MROH2B: variants seen among roughly 807,000 people sequenced by gnomAD.
MROH2B encodes the protein maestro heat like repeat family member 2B.
In MROH2B, 177 loss-of-function variants were observed where a neutral mutation model predicts 208.6. That is an observed-to-expected ratio of 0.85 (90% CI 0.75 to 0.96). The LOEUF (loss-of-function observed/expected upper bound fraction) is 0.96, where lower values mean the gene tolerates loss of function less well. Among genes scored for constraint, MROH2B ranks in the 40% least tolerant of loss-of-function variants. The pLI, the probability that MROH2B is intolerant of heterozygous loss-of-function variation, is 0.00. For missense variants in MROH2B, 2,002 were observed against 1,878.7 expected (o/e 1.07, Z -1.21); for synonymous variants, 728 against 659.0 (o/e 1.10, Z -1.60).
intron 2 of MROH2B, among the ~76,000 whole-genome samples, chr5:41,068,948 G>C (rs1743893256): frequency 6.6e-6 from 1 of 152,186 alleles, no homozygotes; most frequent in Non-Finnish European, 1.5e-5. Context: ...GGTCAGGGTT[G>C]AGAACCACTG....
chr5:41,022,875 G>A (rs1246398976), intron 24 of MROH2B, among the ~76,000 whole-genome samples: 1 of 152,138 alleles, frequency 6.6e-6, no homozygotes, highest in Non-Finnish European at 1.5e-5. Flanking sequence ...CAGCAACATT[G>A]GCTGTTCAGC....
chr5:41,012,599 G>C lies in MROH2B; in HGVS notation c.3119C>G (p.Ala1040Gly). Residue 1040 changes from alanine to glycine, a missense_variant, in exon 30 of 42, where the codon GCT becomes GGT. Transcript: ENST00000399564. ...TCAGTTCACCTGATCTTCCAGAGCAGCTCCCTGCTGCTTCAGGACAGTGAT... is the reference window on the plus strand; with the variant it reads ...TCAGTTCACCTGATCTTCCAGAGCACCTCCCTGCTGCTTCAGGACAGTGAT... Reference protein sequence around the residue: ...WMITVLKQQGAALEDQLLEIL... With the variant: ...WMITVLKQQGGALEDQLLEIL... 1 of 1,612,536 alleles carries C rather than the reference G, an allele frequency of 6.2e-7. No individual in the cohort carries two copies. The highest frequency in any genetic ancestry group is 8.5e-7 in the Non-Finnish European group (1 of 1,179,442).
chr5:41,038,517 C>G (rs1309835999), intron 21 of MROH2B, among the ~76,000 whole-genome samples: 1 of 152,102 alleles, frequency 6.6e-6, no homozygotes, highest in Non-Finnish European at 1.5e-5. Context: ...GTCCTTTGAG[C>G]CTGAAGGATG....
Position 40,998,020 on chromosome 5 carries a change from T to C in MROH2B, c.*32A>G, listed in dbSNP as rs1355803441. The C allele has an allele frequency of 6.7e-7, 1 of 1,488,224 alleles. No individual in the cohort carries two copies. Among genetic ancestry groups the C allele is most frequent in the African/African-American group, 1.4e-5 (1 of 72,458 alleles). 92.2% of individuals were successfully genotyped at this position (1,488,224 alleles called of 1,614,324 possible). A position where few individuals can be genotyped will look rare whatever the true frequency, so the allele number is the denominator to read the frequency against. ...ATAGGATGAAGACAGGAGTCAGATATAGGAAAAGCCAGCAGTTTATTTCTT... is the reference window on the plus strand; with the variant it reads ...ATAGGATGAAGACAGGAGTCAGATACAGGAAAAGCCAGCAGTTTATTTCTT... On this transcript the variant is annotated 3_prime_UTR_variant, in exon 42 of 42. Coordinates refer to ENST00000399564, the MANE Select transcript of MROH2B (RefSeq NM_173489.5).
chr5:41,000,192 T>A (rs1315503777), intron 39 of MROH2B, 28 bp downstream of exon 39: 2 of 1,612,246 alleles, frequency 1.2e-6, no homozygotes, highest in Non-Finnish European at 1.7e-6. Flanking sequence ...CCTGCCTTTT[T>A]TGGAGGCGGC....
At chr5:41,058,813 G>A (rs923993873) in intron 6 of MROH2B, among the ~76,000 whole-genome samples, 6 of 151,984 alleles carry the variant, frequency 3.9e-5, no homozygotes, top group Admixed American at 3.9e-4. Flanking sequence ...TTGGGAGGCC[G>A]AGGCAGGCGG....
At chr5:41,000,971 G>A (rs921470213) in intron 37 of MROH2B, 138 bp from the exon 38 acceptor site, 33 of 945,484 alleles carry the variant, frequency 3.5e-5, no homozygotes, top group African/African-American at 5.1e-5. Flanking sequence ...CATAGTCACG[G>A]CCTCTAAATG....
At position 41,000,359 on chromosome 5, in the gene MROH2B, A is replaced by C; in HGVS notation, c.4351-8T>G. Reference sequence around the variant, plus strand: ...CAAGACATCACGGCAAGCCTGGAAAACAGAGTTTTCTGCATCACAGTCCAG... The same window carrying C: ...CAAGACATCACGGCAAGCCTGGAAACCAGAGTTTTCTGCATCACAGTCCAG... On this transcript the variant is annotated splice_polypyrimidine_tract_variant and splice_region_variant and intron_variant, in intron 38 of 41. Transcript: ENST00000399564. 1 of 1,613,082 alleles carries C rather than the reference A, an allele frequency of 6.2e-7. No individual in the cohort carries two copies. The highest frequency in any genetic ancestry group is 8.5e-7 in the Non-Finnish European group (1 of 1,179,562).
chr5:41,016,498 G>GTTTTTTTTTTTT (rs10689623), intron 28 of MROH2B, among the ~76,000 whole-genome samples: 3 of 80,778 alleles, frequency 3.7e-5, no homozygotes, highest in Admixed American at 2.0e-4. Flanking sequence ...CTACTGTAAT[G>GTTTTTTTTTTTT]TTTTTTTTTT....
rs759672457 is a variant in MROH2B, at chr5:41,012,574, T to C, written c.3135+9A>G. 1 of 1,602,448 alleles carries C rather than the reference T, an allele frequency of 6.2e-7. No homozygotes were observed. The highest frequency in any genetic ancestry group is 1.1e-5 in the South Asian group (1 of 88,448). On this transcript the variant is annotated intron_variant, in intron 30 of 41. Coordinates refer to ENST00000399564, the MANE Select transcript of MROH2B (RefSeq NM_173489.5). ...TCTGTTCAGTTGTTAAAACTGGCTA[T>C]CAGTTCACCTGATCTTCCAGAGCAG...
At chr5:41,033,489 T>C (rs1257225707) in intron 22 of MROH2B, among the ~76,000 whole-genome samples, 2 of 152,106 alleles carry the variant, frequency 1.3e-5, no homozygotes, top group African/African-American at 4.8e-5. Flanking sequence ...GAAATAATAG[T>C]TATAGTTTTT....
intron 27 of MROH2B, 121 bp from the exon 28 acceptor site, chr5:41,018,091 T>A (rs1742016213): frequency 1.5e-6 from 2 of 1,341,216 alleles, no homozygotes; most frequent in South Asian, 1.5e-5. Context: ...TGAAATTTGA[T>A]CTTGCACTTT....
Position 41,033,851 on chromosome 5 carries a change from G to A in MROH2B, c.2228C>T (p.Ser743Phe). The A allele has an allele frequency of 6.5e-7, 1 of 1,542,884 alleles. No homozygotes were observed. Among genetic ancestry groups the A allele is most frequent in the East Asian group, 2.4e-5 (1 of 40,906 alleles). ...HGQCSQVLGM[S>F]VMNKDMDLQM... ...TATCTCTCCTACCTTGTTCATCACA[G>A]ACATGCCCAGAACCTAAAAAAAATC... The change falls in exon 22 of 42, where the codon TCT (serine) becomes TTT (phenylalanine). Residue 743 changes from serine to phenylalanine, a missense_variant. By Grantham distance (155) the Ser-to-Phe change is radical. Transcript: ENST00000399564.
chr5:41,013,312 T>C (rs1741832809), intron 29 of MROH2B, among the ~76,000 whole-genome samples: 1 of 152,204 alleles, frequency 6.6e-6, no homozygotes, highest in Non-Finnish European at 1.5e-5. Flanking sequence ...TTTGCAATTG[T>C]TGTCTCTAGG....
chr5:41,061,459 C>A (rs1237827799), intron 6 of MROH2B, 111 bp downstream of exon 6: 8 of 937,752 alleles, frequency 8.5e-6, no homozygotes, highest in Non-Finnish European at 1.2e-5. Context: ...TCATAAAATA[C>A]AACCAATGGC....
At chr5:41,065,935 G>A (rs1211741455) in intron 3 of MROH2B, among the ~76,000 whole-genome samples, 1 of 152,174 alleles carries the variant, frequency 6.6e-6, no homozygotes, top group African/African-American at 2.4e-5. Context: ...AAACCATAGT[G>A]AGAAACTCTT....
rs1445787616 is a variant in MROH2B, at chr5:41,000,365, T to A, written c.4351-14A>T. The stretch of plus-strand genomic sequence containing the variant: ...ATCACGGCAAGCCTGGAAAACAGAG[T>A]TTTCTGCATCACAGTCCAGAACGTT... On this transcript the variant is annotated splice_polypyrimidine_tract_variant and intron_variant, in intron 38 of 41. Coordinates refer to ENST00000399564, the MANE Select transcript of MROH2B (RefSeq NM_173489.5). 3 of 1,612,046 alleles carry A rather than the reference T, an allele frequency of 1.9e-6. No individual in the cohort carries two copies. Among genetic ancestry groups the A allele is most frequent in the Non-Finnish European group, 2.5e-6 (3 of 1,179,210 alleles).
intron 35 of MROH2B, 115 bp downstream of exon 35, chr5:41,005,416 C>G: frequency 5.3e-6 from 1 of 188,518 alleles, no homozygotes; most frequent in Admixed American, 6.6e-5. Context: ...CTATGAAACC[C>G]CCCCCCCCCT....
chr5:41,056,364 G>A lies in MROH2B; in HGVS notation c.920-509C>T, dbSNP rs557495855. ...GTAAGGTGAATTAGTTAGCTAGGCA[G>A]GGGTCGGGGAGAAGAAGAAAGTATA... On this transcript the variant is annotated intron_variant, in intron 9 of 41. Transcript: ENST00000399564. Among the ~76,000 whole-genome samples, 5 of 152,308 alleles carry A rather than the reference G, an allele frequency of 3.3e-5. No homozygotes were observed. In the East Asian group the frequency reaches 7.7e-4, roughly 24 times the overall value.
Sources: gnomAD v4.1 joint callset for allele counts (sites outside exome capture counted in the v4.1 genomes callset) on GRCh38, gnomAD v4.1.1 for gene constraint, MANE v1.5 for transcripts, NCBI Gene and HGNC (gene_info 2026-07-23, HGNC 2026-07-21) for gene names.